Variants in C12orf56 observed in about 807,000 individuals in gnomAD.
The protein encoded by C12orf56 is uncharacterized protein C12orf56.
Under a neutral mutation model 69.9 loss-of-function variants are expected in C12orf56, and 71 were observed. The ratio of observed to expected loss-of-function variants is 1.02; its 90% CI spans 0.84 to 1.24. The LOEUF is 1.24. Among genes scored for constraint, C12orf56 ranks in the 50% most tolerant of loss-of-function variants. The pLI is 0.00. For missense variants in C12orf56, 732 were observed against 738.5 expected, an observed-to-expected ratio of 0.99 and a Z score of 0.10; for synonymous variants, 276 against 274.1, an observed-to-expected ratio of 1.01 and a Z score of -0.07.
intron 1 of C12orf56, chr12:64,389,037 G>A (rs1221274424): frequency 6.6e-6 from 1 of 151,544 alleles, no homozygotes; most frequent in Admixed American, 6.6e-5. Context: ...TTACAGACTC[G>A]TTCAAAACAA....
chr12:64,383,088 A>G (rs980933618), intron 1 of C12orf56, among the ~76,000 whole-genome samples: 1 of 151,932 alleles, frequency 6.6e-6, no homozygotes, highest in African/African-American at 2.4e-5. Flanking sequence ...AGGCTGAGGC[A>G]GGCAGATCAC....
intron 1 of C12orf56, among the ~76,000 whole-genome samples, chr12:64,380,242 AT>A (rs1288961019): frequency 6.6e-6 from 1 of 151,984 alleles, no homozygotes; most frequent in Non-Finnish European, 1.5e-5. Flanking sequence ...CATGAGACCT[AT>A]AAGATTTTAT....
chr12:64,363,027 T>G (rs1421792518), intron 1 of C12orf56, among the ~76,000 whole-genome samples: 1 of 152,204 alleles, frequency 6.6e-6, no homozygotes, highest in Non-Finnish European at 1.5e-5. Flanking sequence ...AAGGTCTTTA[T>G]GGTAAGACCT....
chr12:64,334,519 T>A (rs2038968689), intron 2 of C12orf56, among the ~76,000 whole-genome samples: 1 of 152,198 alleles, frequency 6.6e-6, no homozygotes, highest in Admixed American at 6.6e-5. Context: ...AGATTATTTA[T>A]AATACTAACT....
chr12:64,302,408 TTGGTCACCCTAATCTGGGCAAACCAAAA>T (rs2038457825), intron 6 of C12orf56, among the ~76,000 whole-genome samples: 3 of 152,150 alleles, frequency 2.0e-5, no homozygotes, highest in Admixed American at 6.6e-5. Flanking sequence ...ACTGGAATAG[TTGGTCACCCTAATCTGGGCAAACCAAAA>T]TGGTCACCCT....
At chr12:64,338,162 T>G in intron 2 of C12orf56, 1 of 566,462 alleles carries the variant, frequency 1.8e-6, no homozygotes, top group Admixed American at 2.0e-5. Context: ...GAGCTCCACC[T>G]CCCGAAGGCT....
chr12:64,314,259 A>G (rs1278607935), intron 4 of C12orf56, among the ~76,000 whole-genome samples: 3 of 151,660 alleles, frequency 2.0e-5, no homozygotes, highest in African/African-American at 7.3e-5. Flanking sequence ...CCAATTTTTT[A>G]CTTTTTATTT....
At chr12:64,388,597 T>C (rs961338991) in intron 1 of C12orf56, among the ~76,000 whole-genome samples, 20 of 152,196 alleles carry the variant, frequency 1.3e-4, no homozygotes, top group African/African-American at 4.6e-4. Context: ...AAAATTTAGT[T>C]CAAGGCCAGG....
chr12:64,308,462 T>G (rs908204265), intron 5 of C12orf56, among the ~76,000 whole-genome samples: 1 of 152,150 alleles, frequency 6.6e-6, no homozygotes, highest in East Asian at 1.9e-4. Context: ...TTCAAAAAAT[T>G]TTTTTCTATA....
At position 64,277,677 on chromosome 12, in the gene C12orf56, C is replaced by T. The variant is rs751140236; in HGVS notation, c.1434+3G>A. 52 of 1,517,362 alleles carry T rather than the reference C, an allele frequency of 3.4e-5. No homozygotes were observed. Among genetic ancestry groups the T allele is most frequent in the Non-Finnish European group, 4.3e-5 (49 of 1,129,494 alleles). The allele number at this position is 1,517,362 out of a possible 1,614,324, so 94.0% of individuals were successfully genotyped here. A position where few individuals can be genotyped will look rare whatever the true frequency, so the allele number is the denominator to read the frequency against. ...TAGTTTACCCCCCAAATTCTCATCT[C>T]ACCTCAGCGTCAAAAGACATTCTGA... On this transcript the variant is annotated splice_donor_region_variant and intron_variant, in intron 9 of 12. Transcript: ENST00000543942.
intron 3 of C12orf56, among the ~76,000 whole-genome samples, chr12:64,323,387 T>C (rs1186468308): frequency 6.6e-6 from 1 of 152,224 alleles, no homozygotes; most frequent in Non-Finnish European, 1.5e-5. Context: ...GATCTCTGTC[T>C]GTATCTATAT....
intron 2 of C12orf56, chr12:64,338,879 T>C: frequency 1.6e-6 from 1 of 621,274 alleles, no homozygotes; most frequent in Non-Finnish European, 2.9e-6. Context: ...AGGAAACCCC[T>C]GTGCAGACCT....
Position 64,274,904 on chromosome 12 carries a change from G to A in C12orf56, c.1581C>T (p.Pro527=), listed in dbSNP as rs556411935. ...GTTTTGACTTCTAGATACTTACGATGGGAGGACAGCTTTGTAGAAAGGACA... is the reference window on the plus strand; with the variant it reads ...GTTTTGACTTCTAGATACTTACGATAGGAGGACAGCTTTGTAGAAAGGACA... ...WIMSFLQSCP[P]IITFVASIVK... Residue 527 remains proline (P), a synonymous_variant, in exon 11 of 13, where the codon CCC becomes CCT. Coordinates refer to ENST00000543942, the MANE Select transcript of C12orf56 (RefSeq NM_001170633.2). 3.1e-6 allele frequency: 5 copies of A among 1,606,218 alleles called. No homozygotes were observed. Among genetic ancestry groups the A allele is most frequent in the Middle Eastern group, 1.6e-4 (1 of 6,064 alleles).
At chr12:64,303,165 T>C (rs766366121) in intron 6 of C12orf56, among the ~76,000 whole-genome samples, 23 of 151,542 alleles carry the variant, frequency 1.5e-4, no homozygotes, top group Non-Finnish European at 2.9e-4. Context: ...TCCCAGCTAC[T>C]TGGGAGGCTG....
At chr12:64,379,602 A>T (rs1466951626) in intron 1 of C12orf56, among the ~76,000 whole-genome samples, 1 of 151,732 alleles carries the variant, frequency 6.6e-6, no homozygotes, top group African/African-American at 2.4e-5. Flanking sequence ...CAATTTTCAT[A>T]CTATTCTATT....
At chr12:64,299,168 G>T (rs1055686115) in intron 6 of C12orf56, among the ~76,000 whole-genome samples, 1 of 152,164 alleles carries the variant, frequency 6.6e-6, no homozygotes, top group African/African-American at 2.4e-5. Flanking sequence ...GTTCACTCAT[G>T]ATTTGGCTCT....
chr12:64,326,279 C>T (rs2038837891), intron 3 of C12orf56, among the ~76,000 whole-genome samples: 1 of 152,122 alleles, frequency 6.6e-6, no homozygotes, highest in Non-Finnish European at 1.5e-5. Context: ...TATGATAAAA[C>T]ATACATGCAC....
At chr12:64,308,936 GAAAGAAGA>G (rs1209345915) in intron 5 of C12orf56, among the ~76,000 whole-genome samples, 210 of 32,546 alleles carry the variant, frequency 6.5e-3, no homozygotes, top group African/African-American at 0.015. Flanking sequence ...AAGAAAGAAA[GAAAGAAGA>G]AAGAAAGAAA....
At chr12:64,352,099 G>GTTTTTTTTTTTTTTTTTTTTTT (rs55762803) in intron 2 of C12orf56, among the ~76,000 whole-genome samples, 6 of 148,770 alleles carry the variant, frequency 4.0e-5, no homozygotes, top group African/African-American at 1.3e-4. Flanking sequence ...TTTTGTTTTT[G>GTTTTTTTTTTTTTTTTTTTTTT]TTTTTTTTTT....
Sources: allele counts gnomAD v4.1 joint callset (sites outside exome capture counted in the v4.1 genomes callset), GRCh38; gene constraint gnomAD v4.1.1; transcripts MANE v1.5; gene names NCBI Gene and HGNC (gene_info 2026-07-23, HGNC 2026-07-21).